The following PCDHA4 variants were observed in gnomAD, a reference collection of about 807,000 sequenced individuals.
PCDHA4 encodes protocadherin alpha-4.
Under a neutral mutation model 61.4 loss-of-function variants are expected in PCDHA4, and 49 were observed. The ratio of observed to expected loss-of-function variants is 0.80; its 90% CI spans 0.63 to 1.01. The LOEUF (loss-of-function observed/expected upper bound fraction) is 1.01. Among genes scored for constraint, PCDHA4 ranks in the 50% least tolerant of loss-of-function variants. PCDHA4 has a pLI of 0.00. For missense variants in PCDHA4, 1,254 were observed against 1,235.8 expected (o/e 1.01, Z -0.22); for synonymous variants, 590 against 550.3 (o/e 1.07, Z -1.01).
chr5:140,875,460 C>T (rs1380748731), intron 1 of PCDHA4: 2 of 1,598,406 alleles, frequency 1.3e-6, no homozygotes, highest in Middle Eastern at 1.7e-4. Flanking sequence ...CTCAGAGGCC[C>T]TCATTTTCTG....
intron 1 of PCDHA4, chr5:140,876,999 G>C: frequency 6.2e-7 from 1 of 1,612,546 alleles, no homozygotes; most frequent in Non-Finnish European, 8.5e-7. Flanking sequence ...GCTACGTGTC[G>C]GTGCACGCGG....
At chr5:140,814,028 A>G (rs1469923006) in intron 1 of PCDHA4, 2 of 152,870 alleles carry the variant, frequency 1.3e-5, no homozygotes, top group African/African-American at 4.8e-5. Flanking sequence ...TAATAAATTA[A>G]CCTTAGCTTA....
chr5:140,887,140 A>T (rs1414836088), intron 1 of PCDHA4, among the ~76,000 whole-genome samples: 3 of 150,560 alleles, frequency 2.0e-5, no homozygotes, highest in Non-Finnish European at 4.4e-5. Context: ...TCTGTCGCCC[A>T]GGCTGGAGTA....
chr5:140,856,141 C>T (rs782290263), intron 1 of PCDHA4: 3 of 1,598,260 alleles, frequency 1.9e-6, no homozygotes, highest in Middle Eastern at 1.7e-4. Context: ...GCCAGCTCCA[C>T]TACTCAGTCT....
At chr5:140,944,746 A>G (rs1009788923) in intron 1 of PCDHA4, among the ~76,000 whole-genome samples, 6 of 152,214 alleles carry the variant, frequency 3.9e-5, no homozygotes, top group African/African-American at 1.4e-4. Context: ...GAGCATTTAC[A>G]TGGAAAAAAT....
intron 1 of PCDHA4, chr5:140,861,740 T>C (rs1443034121): frequency 1.3e-5 from 2 of 159,082 alleles, no homozygotes; most frequent in Non-Finnish European, 2.7e-5. Flanking sequence ...TTACATACTG[T>C]GCCGCAATGA....
intron 1 of PCDHA4, among the ~76,000 whole-genome samples, chr5:140,930,805 A>T (rs2087129378): frequency 6.6e-6 from 1 of 152,218 alleles, no homozygotes; most frequent in Non-Finnish European, 1.5e-5. Flanking sequence ...CCAGCATATA[A>T]GATATGCTTA....
At chr5:140,827,044 G>T (rs182892047) in intron 1 of PCDHA4, among the ~76,000 whole-genome samples, 16 of 152,300 alleles carry the variant, frequency 1.1e-4, no homozygotes. Flanking sequence ...TGAATTTGGG[G>T]ATTATTAATA....
intron 1 of PCDHA4, among the ~76,000 whole-genome samples, chr5:140,944,370 A>G (rs1554216325): frequency 6.6e-6 from 1 of 151,966 alleles, no homozygotes; most frequent in Admixed American, 6.6e-5. Flanking sequence ...AATTTTTTAT[A>G]GAGATGGAGT....
intron 3 of PCDHA4, among the ~76,000 whole-genome samples, chr5:140,999,519 G>A (rs1303009823): frequency 6.6e-6 from 1 of 152,074 alleles, no homozygotes; most frequent in Non-Finnish European, 1.5e-5. Context: ...TAAGCATTTT[G>A]TTACCCCCTG....
intron 1 of PCDHA4, among the ~76,000 whole-genome samples, chr5:140,845,445 T>A (rs1779878937): frequency 6.7e-6 from 1 of 149,700 alleles, no homozygotes; most frequent in Non-Finnish European, 1.5e-5. Context: ...GTTCTGTTTT[T>A]CTTCAACTCT....
intron 1 of PCDHA4, chr5:140,851,486 C>A (rs2042075619): frequency 1.1e-6 from 1 of 886,576 alleles, no homozygotes; most frequent in Middle Eastern, 5.8e-4. Context: ...ATAAACACAG[C>A]CTTCATTTCA....
intron 1 of PCDHA4, chr5:140,877,782 G>A (rs1389004100): frequency 6.2e-7 from 1 of 1,614,036 alleles, no homozygotes; most frequent in Non-Finnish European, 8.5e-7. Context: ...CGGACCTCAT[G>A]GCCTTCAGCC....
intron 1 of PCDHA4, chr5:140,876,199 G>C: frequency 6.2e-7 from 1 of 1,613,940 alleles, no homozygotes; most frequent in South Asian, 1.1e-5. Flanking sequence ...TCCGGCGTTT[G>C]ATAAGCCCAG....
chr5:141,008,299 C>G (rs1223779122), intron 3 of PCDHA4, among the ~76,000 whole-genome samples: 9 of 152,238 alleles, frequency 5.9e-5, no homozygotes, highest in Non-Finnish European at 1.2e-4. Context: ...TGTACCCAAC[C>G]CTAAACTGTA....
intron 1 of PCDHA4, among the ~76,000 whole-genome samples, chr5:140,826,646 A>G (rs1769000143): frequency 6.6e-6 from 1 of 152,182 alleles, no homozygotes; most frequent in Non-Finnish European, 1.5e-5. Flanking sequence ...ATATGAAGGT[A>G]ACATTTTTGC....
At chr5:140,866,764 G>A (rs2049554706) in intron 1 of PCDHA4, 1 of 152,110 alleles carries the variant, frequency 6.6e-6, no homozygotes, top group Non-Finnish European at 1.5e-5. Flanking sequence ...GGACATACAG[G>A]CAGATTGTAT....
rs1428126460 is a variant in PCDHA4 at position 140,848,665 on chromosome 5, C to T, written c.2385+39093C>T. On this transcript the variant is annotated intron_variant, in intron 1 of 3. Coordinates refer to ENST00000530339, the MANE Select transcript of PCDHA4 (RefSeq NM_018907.4). ...GCGCAGGACCTGGGGCTGGAGCTGG[C>T]GGAGCTGGTGCCGCGCCTGTTCCAG... 1.9e-6 allele frequency: 3 copies of T among 1,592,226 alleles called. 1 individual carries two copies. The highest frequency in any genetic ancestry group is 2.6e-6 in the Non-Finnish European group (3 of 1,163,404).
intron 1 of PCDHA4, among the ~76,000 whole-genome samples, chr5:140,964,550 C>T (rs13359943): frequency 0.012 from 1,826 of 152,168 alleles, 28 homozygotes; most frequent in African/African-American, 0.042. Flanking sequence ...ATGGCAGCGA[C>T]TTGGAGGGCT....
Sources: allele counts gnomAD v4.1 joint callset (sites outside exome capture counted in the v4.1 genomes callset), GRCh38; gene constraint gnomAD v4.1.1; transcripts MANE v1.5; gene names NCBI Gene and HGNC (gene_info 2026-07-23, HGNC 2026-07-21).